ATG4D: variants seen among roughly 807,000 people sequenced by gnomAD.
ATG4D encodes the protein cysteine protease ATG4D.
In ATG4D, 51 loss-of-function variants were observed where a neutral mutation model predicts 55.2. That is an observed-to-expected ratio of 0.92 (90% CI 0.74 to 1.17). The LOEUF (loss-of-function observed/expected upper bound fraction) is 1.17. Among genes scored for constraint, ATG4D ranks in the 50% most tolerant of loss-of-function variants. The pLI is 0.00. For missense variants in ATG4D, 635 were observed against 649.6 expected (o/e 0.98, Z 0.25); for synonymous variants, 268 against 266.2 (o/e 1.01, Z -0.07).
chr19:10,544,635 C>G, intron 1 of ATG4D, 148 bp from the exon 2 acceptor site: 1 of 1,451,614 alleles, frequency 6.9e-7, no homozygotes, highest in South Asian at 1.4e-5. Flanking sequence ...GTAGCTGTCA[C>G]TGGGGGCCCC....
At chr19:10,546,786 A>G (rs1484240009) in intron 3 of ATG4D, 53 bp from the exon 4 acceptor site, 1 of 1,503,826 alleles carries the variant, frequency 6.6e-7, no homozygotes, top group African/African-American at 1.4e-5. Flanking sequence ...TGTAGATGGG[A>G]CCTCTGCCCC....
In ATG4D at chr19:10,547,176, C is replaced by T. The variant is rs1179142649; in HGVS notation, c.771-13C>T. On this transcript the variant is annotated splice_polypyrimidine_tract_variant and intron_variant, in intron 4 of 9. Coordinates refer to ENST00000309469, the MANE Select transcript of ATG4D (RefSeq NM_032885.6). ...GTACCCGCAGGCACTCAGGCCTTCC[C>T]TCCTGCCCCCAGGAAAGCCGTGGAG... The T allele has an allele frequency of 3.1e-6, 5 of 1,613,630 alleles. No homozygotes were observed. The highest frequency in any genetic ancestry group is 1.7e-5 in the Admixed American group (1 of 59,966).
In ATG4D at chr19:10,552,983, C is replaced by A. The variant is rs577251129; in HGVS notation, c.1341C>A (p.Leu447=). Residue 447 remains leucine (L), a synonymous_variant, in exon 10 of 10, where the codon CTC becomes CTA. Transcript: ENST00000309469. ...DHSLDDLCSQ[L]AQPTLRLPRT... ...GCCTGGACGACCTCTGCTCCCAGCT[C>A]GCCCAGCCCACACTCCGGCTCCCTC... 6.2e-7 allele frequency: 1 copy of A among 1,613,414 alleles called. No individual in the cohort carries two copies. The highest frequency in any genetic ancestry group is 8.5e-7 in the Non-Finnish European group (1 of 1,180,026).
chr19:10,551,834 G>A (rs889466407), intron 6 of ATG4D, 63 bp from the exon 7 acceptor site: 35 of 1,514,910 alleles, frequency 2.3e-5, no homozygotes, highest in Non-Finnish European at 3.1e-5. Context: ...TCACAGAGGA[G>A]GTGTTTGCCA....
At chr19:10,544,715 G>A in intron 1 of ATG4D, 68 bp from the exon 2 acceptor site, 3 of 1,599,558 alleles carry the variant, frequency 1.9e-6, no homozygotes, top group Non-Finnish European at 1.7e-6. Context: ...ACAGATGGGG[G>A]AATGGAAGCG....
rs755619900 is a variant in ATG4D, at chr19:10,553,035, C to T, written c.1393C>T (p.Arg465Cys). The T allele has an allele frequency of 1.4e-5, 23 of 1,610,606 alleles. No individual in the cohort carries two copies. Among genetic ancestry groups the T allele is most frequent in the Admixed American group, 5.0e-5 (3 of 59,924 alleles). Residue 465 changes from arginine (R) to cysteine (C), a missense_variant, in exon 10 of 10, where the codon CGC (arginine) becomes TGC (cysteine). Arg to Cys is a radical substitution (Grantham distance 180). Transcript: ENST00000309469. ...PRTGRLLRAK[R>C]PSSEDFVFL is the part of the protein sequence containing the mutation. ...CACAGGGCGGCTCCTCAGGGCCAAACGCCCCAGCTCTGAGGACTTTGTGTT... is the reference window on the plus strand; with the variant it reads ...CACAGGGCGGCTCCTCAGGGCCAAATGCCCCAGCTCTGAGGACTTTGTGTT...
Position 10,547,237 on chromosome 19 carries a change from T to G in ATG4D, c.819T>G (p.Val273=), listed in dbSNP as rs1453962539. Reference sequence around the variant, plus strand: ...ACGTCACCCGCCTGGTGGTGTACGTTTCTCAGGACTGCACAGGTAAGGGGC... The same window carrying G: ...ACGTCACCCGCCTGGTGGTGTACGTGTCTCAGGACTGCACAGGTAAGGGGC... ...CSDVTRLVVY[V]SQDCTVYKAD... Residue 273 remains valine, a synonymous_variant, in exon 5 of 10, where the codon GTT becomes GTG. Transcript: ENST00000309469. 6.2e-7 allele frequency: 1 copy of G among 1,613,708 alleles called. No individual in the cohort carries two copies. Among genetic ancestry groups the G allele is most frequent in the Non-Finnish European group, 8.5e-7 (1 of 1,179,900 alleles).
intron 3 of ATG4D, among the ~76,000 whole-genome samples, 161 bp downstream of exon 3, chr19:10,545,291 G>A (rs1411899613): frequency 9.2e-5 from 14 of 152,328 alleles, no homozygotes; most frequent in Middle Eastern, 6.8e-3. Flanking sequence ...TTCAGCCGGG[G>A]TTGGAAACGG....
In ATG4D at chr19:10,553,063, T is replaced by C. The variant is rs1473648940; in HGVS notation, c.1421T>C (p.Leu474Ser). The C allele has an allele frequency of 2.5e-6, 4 of 1,597,030 alleles. No individual in the cohort carries two copies. The highest frequency in any genetic ancestry group is 2.2e-5 in the South Asian group (2 of 90,744). The change falls in exon 10 of 10, where the codon TTA (leucine) becomes TCA (serine). Residue 474 changes from leucine (L) to serine (S), a missense_variant. By Grantham distance (145) the Leu-to-Ser change is moderately radical (BLOSUM62 -2). Coordinates refer to ENST00000309469, the MANE Select transcript of ATG4D (RefSeq NM_032885.6). ...KRPSSEDFVF[L>S] ...CCCAGCTCTGAGGACTTTGTGTTTT[T>C]ATAAAGGGAGGGGATGAGGGGAAAG...
chr19:10,553,204 G>T lies in ATG4D; in HGVS notation c.*137G>T, dbSNP rs1916360081. On this transcript the variant is annotated 3_prime_UTR_variant, in exon 10 of 10. Transcript: ENST00000309469. ...CTCAAGCCCAGCTGCAACCAGTCTG[G>T]GGCCATTCAGCCAGGGACAGAGCCC... The T allele has an allele frequency of 2.7e-6, 3 of 1,126,530 alleles. No homozygotes were observed. The highest frequency in any genetic ancestry group is 2.5e-6 in the Non-Finnish European group (2 of 815,848). 69.8% of individuals were successfully genotyped at this position (1,126,530 alleles called of 1,614,324 possible).
intron 5 of ATG4D, 99 bp downstream of exon 5, chr19:10,547,352 T>C (rs1916072069): frequency 2.1e-6 from 3 of 1,431,314 alleles, no homozygotes; most frequent in East Asian, 4.7e-5. Context: ...CTGGAACAAG[T>C]TGTGGGGCAG....
intron 6 of ATG4D, among the ~76,000 whole-genome samples, chr19:10,551,397 G>A (rs1301933844): frequency 1.3e-5 from 2 of 151,998 alleles, no homozygotes; most frequent in Non-Finnish European, 2.9e-5. Flanking sequence ...AGGAGATGGA[G>A]GTTTCGGTGA....
chr19:10,544,356 G>A (rs1915964260), intron 1 of ATG4D, 31 bp downstream of exon 1: 2 of 1,297,908 alleles, frequency 1.5e-6, no homozygotes, highest in African/African-American at 1.5e-5. Context: ...TCGTGGGGGT[G>A]TCGGGGGCCG....
Position 10,549,026 on chromosome 19 carries a change from T to G in ATG4D, c.958T>G (p.Cys320Gly), listed in dbSNP as rs763066711. The G allele has an allele frequency of 1.9e-6, 3 of 1,614,102 alleles. No homozygotes were observed. The highest frequency in any genetic ancestry group is 2.5e-6 in the Non-Finnish European group (3 of 1,180,012). ...GACTCTCAACCCCGTGTATGTGCCC[T>G]GCGTGAAGGTAGGTTCAGCTGAATT... ...GETLNPVYVP[C>G]VKELLRCELC... The change falls in exon 6 of 10, where the codon TGC becomes GGC. Residue 320 changes from cysteine to glycine, a missense_variant. Physicochemically the swap from Cys to Gly is radical, Grantham distance 159 (BLOSUM62 -3). Coordinates refer to ENST00000309469, the MANE Select transcript of ATG4D (RefSeq NM_032885.6).
In ATG4D at chr19:10,552,116, C is replaced by T; in HGVS notation, c.1117C>T (p.Leu373=). ...TVDVSQADFP[L]ESFHCTSPRK... ...GGATGTCAGCCAGGCCGACTTCCCC[C>T]TGGAGGTGAGTGGGAGCCCCAGTGT... The change falls in exon 8 of 10, where the codon CTG becomes TTG. Residue 373 remains leucine (L), a synonymous_variant. Coordinates refer to ENST00000309469, the MANE Select transcript of ATG4D (RefSeq NM_032885.6). 6.2e-7 allele frequency: 1 copy of T among 1,611,810 alleles called. No individual in the cohort carries two copies.
chr19:10,546,193 A>T (rs553382151), intron 3 of ATG4D, among the ~76,000 whole-genome samples: 1 of 151,640 alleles, frequency 6.6e-6, no homozygotes, highest in Admixed American at 6.6e-5. Flanking sequence ...GTGTGGTGGC[A>T]TGTGCCTGTG....
chr19:10,551,941 A>G lies in ATG4D; in HGVS notation c.1011A>G (p.Lys337=), dbSNP rs1311071024. ...TGTGCCTGGGCATCATGGGTGGGAAACCGCGACACTCACTGTACTTCATTG... is the reference window on the plus strand; with the variant it reads ...TGTGCCTGGGCATCATGGGTGGGAAGCCGCGACACTCACTGTACTTCATTG... ...CELCLGIMGG[K]PRHSLYFIGY... is the part of the protein sequence containing the mutation. The change falls in exon 7 of 10, where the codon AAA becomes AAG. Residue 337 remains lysine, a synonymous_variant. Coordinates refer to ENST00000309469, the MANE Select transcript of ATG4D (RefSeq NM_032885.6). 2 of 1,613,768 alleles carry G rather than the reference A, an allele frequency of 1.2e-6. No individual in the cohort carries two copies. Among genetic ancestry groups the G allele is most frequent in the South Asian group, 2.2e-5 (2 of 91,056 alleles).
At chr19:10,547,626 GAAAAAAAAAAAA>G (rs778363094) in intron 5 of ATG4D, among the ~76,000 whole-genome samples, 4 of 49,244 alleles carry the variant, frequency 8.1e-5, no homozygotes, top group African/African-American at 1.5e-4. Context: ...GGATCCTGTC[GAAAAAAAAAAAA>G]AAAAAAAAAA....
chr19:10,549,036 T>C lies in ATG4D; in HGVS notation c.966+2T>C, dbSNP rs1256597577. 1.2e-6 allele frequency: 2 copies of C among 1,613,928 alleles called. No homozygotes were observed. The highest frequency in any genetic ancestry group is 2.7e-5 in the African/African-American group (2 of 74,892). On this transcript the variant is annotated splice_donor_variant, in intron 6 of 9. Coordinates refer to ENST00000309469, the MANE Select transcript of ATG4D (RefSeq NM_032885.6). LOFTEE classifies it high-confidence loss of function. The stretch of plus-strand genomic sequence containing the variant: ...CCCGTGTATGTGCCCTGCGTGAAGG[T>C]AGGTTCAGCTGAATTCTAGGACACC...
Sources: allele counts gnomAD v4.1 joint callset (sites outside exome capture counted in the v4.1 genomes callset), GRCh38; gene constraint gnomAD v4.1.1; transcripts MANE v1.5; gene names NCBI Gene and HGNC (gene_info 2026-07-23, HGNC 2026-07-21).